Variants in MRE11 observed in about 807,000 individuals in gnomAD.
The protein encoded by MRE11 is MRE11 double strand break repair nuclease.
Under a neutral mutation model 91.7 loss-of-function variants are expected in MRE11, and 62 were observed. The observed-to-expected ratio is 0.68, with a 90% CI of 0.55 to 0.84. MRE11 has a LOEUF of 0.84. MRE11 is among the 40% of genes least tolerant of loss of function. The pLI, the probability that MRE11 is intolerant of heterozygous loss-of-function variation, is 0.00. For missense variants in MRE11, 796 were observed against 852.9 expected (o/e 0.93, Z 0.83); for synonymous variants, 273 against 271.4 (o/e 1.01, Z -0.06).
intron 14 of MRE11, among the ~76,000 whole-genome samples, chr11:94,454,329 C>A (rs1335867312): frequency 1.3e-5 from 2 of 152,098 alleles, no homozygotes; most frequent in Non-Finnish European, 2.9e-5. Flanking sequence ...CTGCCTCGGC[C>A]TCCCAAAGTG....
chr11:94,445,948 T>A lies in MRE11; in HGVS notation c.1784-55A>T, dbSNP rs533957112. On this transcript the variant is annotated intron_variant, in intron 15 of 19. Transcript: ENST00000323929. ...AGCCTATCAGCAGCTAAGGTTTATT[T>A]CATACAACACTAAAAAATGAAAGCT... 216 of 1,252,258 alleles carry A rather than the reference T, an allele frequency of 1.7e-4. No individual in the cohort carries two copies. In the African/African-American group the frequency reaches 2.6e-3, roughly 15 times the overall value. The allele number at this position is 1,252,258 out of a possible 1,614,324, so 77.6% of individuals were successfully genotyped here.
chr11:94,504,090 C>G, the MRE11 span, among the ~76,000 whole-genome samples: 1 of 152,060 alleles, frequency 6.6e-6, no homozygotes, highest in African/African-American at 2.4e-5. Flanking sequence ...TTCTTGGTCA[C>G]GGGGACAGAG....
intron 18 of MRE11, among the ~76,000 whole-genome samples, chr11:94,433,507 T>C (rs771588274): frequency 2.6e-5 from 4 of 152,238 alleles, no homozygotes; most frequent in Non-Finnish European, 4.4e-5. Flanking sequence ...GGTTTGGCTG[T>C]GTCCCTACCA....
chr11:94,421,900 A>G (rs1945180969), intron 19 of MRE11, among the ~76,000 whole-genome samples: 1 of 152,190 alleles, frequency 6.6e-6, no homozygotes, highest in Admixed American at 6.5e-5. Flanking sequence ...CAGGGGATGA[A>G]GAAGGGGAAA....
At chr11:94,457,718 C>T (rs564641115) in intron 13 of MRE11, among the ~76,000 whole-genome samples, 2 of 152,244 alleles carry the variant, frequency 1.3e-5, no homozygotes, top group South Asian at 4.1e-4. Flanking sequence ...GGCCTATTAT[C>T]ATCACCATTT....
rs117112890 is a variant in MRE11, at chr11:94,469,506, C to A, written c.1017+965G>T. 1.8e-4 allele frequency among the ~76,000 whole-genome samples: 27 copies of A among 152,268 alleles called. No individual in the cohort carries two copies. In the East Asian group the frequency reaches 5.2e-3, roughly 29 times the overall value. On this transcript the variant is annotated intron_variant, in intron 9 of 19. Transcript: ENST00000323929. ...CAAAAGCAATTAATGCATTTTCTAT[C>A]TCTTTGGCTTGAGAGATTGGATTTA...
At chr11:94,492,238 G>A (rs762575493) in intron 2 of MRE11, among the ~76,000 whole-genome samples, 22 of 151,980 alleles carry the variant, frequency 1.4e-4, no homozygotes, top group South Asian at 2.1e-4. Flanking sequence ...ACAGGCATGC[G>A]CCACCACGCC....
intron 10 of MRE11, among the ~76,000 whole-genome samples, chr11:94,465,597 T>C (rs1946541713): frequency 6.6e-6 from 1 of 152,030 alleles, no homozygotes; most frequent in South Asian, 2.1e-4. Context: ...GGTTTTGCCA[T>C]GTTGCCCAGG....
intron 9 of MRE11, among the ~76,000 whole-genome samples, chr11:94,469,606 C>T (rs950093487): frequency 6.6e-6 from 1 of 152,100 alleles, no homozygotes; most frequent in African/African-American, 2.4e-5. Context: ...CTTTTGGTTA[C>T]GTGAGCTACA....
intron 19 of MRE11, among the ~76,000 whole-genome samples, chr11:94,429,601 G>A (rs1945408884): frequency 6.6e-6 from 1 of 152,156 alleles, no homozygotes; most frequent in Admixed American, 6.6e-5. Flanking sequence ...ACTTACAAGT[G>A]GGAGCTAAAC....
intron 1 of MRE11, among the ~76,000 whole-genome samples, 161 bp from the exon 2 acceptor site, chr11:94,493,067 G>A (rs1394662654): frequency 1.3e-5 from 2 of 151,956 alleles, no homozygotes; most frequent in Non-Finnish European, 2.9e-5. Flanking sequence ...TTAATGAACT[G>A]AGCATAGAAA....
At position 94,420,889 on chromosome 11, in the gene MRE11, G is replaced by T. The variant is rs561680102; in HGVS notation, c.2071-708C>A. On this transcript the variant is annotated intron_variant, in intron 19 of 19. Transcript: ENST00000323929. ...CTACTAGAAATACAAAAAATTGGCC[G>T]GGTGTGGTGGCGGGCGCCTGTAGTC... Among the ~76,000 whole-genome samples the T allele has an allele frequency of 3.9e-5, 6 of 152,070 alleles. No individual in the cohort carries two copies. The South Asian group carries it at 1.2e-3, about 31-fold the overall frequency.
At chr11:94,502,048 TGTGA>T in the MRE11 span, among the ~76,000 whole-genome samples, 1 of 152,222 alleles carries the variant, frequency 6.6e-6, no homozygotes, top group Non-Finnish European at 1.5e-5. Flanking sequence ...ACCAAACCTC[TGTGA>T]CAATATTAAT....
chr11:94,456,936 T>C (rs775712677), intron 13 of MRE11, among the ~76,000 whole-genome samples: 1 of 152,206 alleles, frequency 6.6e-6, no homozygotes, highest in Non-Finnish European at 1.5e-5. Context: ...TTTAATAATC[T>C]ACTCAGCACA....
intron 6 of MRE11, among the ~76,000 whole-genome samples, chr11:94,476,988 G>A (rs1474787299): frequency 1.3e-5 from 2 of 152,188 alleles, no homozygotes; most frequent in South Asian, 2.1e-4. Context: ...CCAAAGTGCT[G>A]AAATTACAGG....
chr11:94,486,969 G>C (rs572047078), intron 3 of MRE11, among the ~76,000 whole-genome samples: 1 of 152,278 alleles, frequency 6.6e-6, no homozygotes, highest in South Asian at 2.1e-4. Context: ...CTGTGCGTAT[G>C]GTAGTTAGGA....
chr11:94,489,870 C>T (rs776754756), intron 3 of MRE11, among the ~76,000 whole-genome samples: 1 of 152,260 alleles, frequency 6.6e-6, no homozygotes, highest in Non-Finnish European at 1.5e-5. Flanking sequence ...TGAAGCAGTA[C>T]CTCTTCCTTA....
intron 14 of MRE11, among the ~76,000 whole-genome samples, chr11:94,453,099 T>C (rs1236447310): frequency 6.6e-6 from 1 of 150,666 alleles, no homozygotes; most frequent in Non-Finnish European, 1.5e-5. Flanking sequence ...TTTGCAACTG[T>C]TTTTTTTTCA....
At chr11:94,423,246 T>C (rs1331564259) in intron 19 of MRE11, among the ~76,000 whole-genome samples, 1 of 152,102 alleles carries the variant, frequency 6.6e-6, no homozygotes, top group African/African-American at 2.4e-5. Context: ...CAGGGCTGGT[T>C]CTTGGCCTTG....
Sources: allele counts gnomAD v4.1 joint callset (sites outside exome capture counted in the v4.1 genomes callset), GRCh38; gene constraint gnomAD v4.1.1; transcripts MANE v1.5; gene names NCBI Gene and HGNC (gene_info 2026-07-23, HGNC 2026-07-21).